FANCC: variants seen among roughly 807,000 people sequenced by gnomAD.
The protein encoded by FANCC is FA complementation group C, also known as Fanconi anemia group C protein.
Under a neutral mutation model 71.3 loss-of-function variants are expected in FANCC, and 55 were observed. The ratio of observed to expected loss-of-function variants is 0.77; its 90% CI spans 0.62 to 0.97. The LOEUF is 0.97. Among genes scored for constraint, FANCC ranks in the 50% least tolerant of loss-of-function variants. The pLI is 0.00. For synonymous variants in FANCC, 275 were observed against 244.9 expected, an observed-to-expected ratio of 1.12 and a Z score of -1.15; for missense variants, 678 against 670.9, an observed-to-expected ratio of 1.01 and a Z score of -0.12.
At chr9:95,268,053 G>C (rs920748111) in intron 1 of FANCC, among the ~76,000 whole-genome samples, 2 of 152,220 alleles carry the variant, frequency 1.3e-5, no homozygotes, top group Non-Finnish European at 2.9e-5. Context: ...GTGACTGAAT[G>C]GGTCAGATCA....
intron 1 of FANCC, among the ~76,000 whole-genome samples, chr9:95,313,676 C>T (rs1835554938): frequency 6.6e-6 from 1 of 152,094 alleles, no homozygotes; most frequent in Admixed American, 6.5e-5. Flanking sequence ...CAAAATATTA[C>T]TAATATTACC....
chr9:95,230,640 T>C (rs2135989952), intron 4 of FANCC, among the ~76,000 whole-genome samples: 1 of 152,244 alleles, frequency 6.6e-6, no homozygotes, highest in South Asian at 2.1e-4. Flanking sequence ...CCGCAGACCT[T>C]CGCAGTGAGT....
At chr9:95,199,252 A>T (rs1827653758) in intron 4 of FANCC, among the ~76,000 whole-genome samples, 1 of 151,788 alleles carries the variant, frequency 6.6e-6, no homozygotes, top group South Asian at 2.1e-4. Flanking sequence ...CACCCCTAGT[A>T]CTTAAAATCC....
intron 7 of FANCC, among the ~76,000 whole-genome samples, chr9:95,137,005 G>A (rs570260879): frequency 6.6e-6 from 1 of 152,074 alleles, no homozygotes; most frequent in Admixed American, 6.5e-5. Flanking sequence ...CTTCCCAGTG[G>A]GTGCTTTTCA....
intron 4 of FANCC, among the ~76,000 whole-genome samples, chr9:95,181,233 T>G (rs1166314592): frequency 6.6e-6 from 1 of 151,856 alleles, no homozygotes. Flanking sequence ...TTTCCATAAT[T>G]CTGTAATATA....
chr9:95,288,497 T>A (rs1246982328), intron 1 of FANCC, among the ~76,000 whole-genome samples: 1 of 152,230 alleles, frequency 6.6e-6, no homozygotes, highest in Non-Finnish European at 1.5e-5. Flanking sequence ...AGCCATACTT[T>A]AATACAAGTG....
intron 7 of FANCC, among the ~76,000 whole-genome samples, chr9:95,137,884 T>C (rs1475287886): frequency 6.6e-6 from 1 of 152,206 alleles, no homozygotes; most frequent in South Asian, 2.1e-4. Flanking sequence ...AGGCCCTGGA[T>C]GGCAGCACAT....
At chr9:95,255,059 G>A (rs930622507) in intron 1 of FANCC, among the ~76,000 whole-genome samples, 2 of 152,314 alleles carry the variant, frequency 1.3e-5, no homozygotes, top group Admixed American at 6.5e-5. Flanking sequence ...GCCCCAGTCA[G>A]TAGCTTATAG....
At chr9:95,316,014 C>CA (rs1564852652) in intron 1 of FANCC, among the ~76,000 whole-genome samples, 2 of 152,148 alleles carry the variant, frequency 1.3e-5, no homozygotes, top group Non-Finnish European at 2.9e-5. Context: ...GAGGACAAAA[C>CA]AAAAAATACC....
chr9:95,216,394 C>T (rs1819195244), intron 4 of FANCC, among the ~76,000 whole-genome samples: 1 of 152,132 alleles, frequency 6.6e-6, no homozygotes, highest in South Asian at 2.1e-4. Flanking sequence ...TAATTGGAGG[C>T]TTCAACATCA....
intron 4 of FANCC, among the ~76,000 whole-genome samples, chr9:95,235,525 T>C (rs986842276): frequency 1.3e-4 from 20 of 152,194 alleles, no homozygotes; most frequent in African/African-American, 4.8e-4. Context: ...CTTCATGACC[T>C]TGGACTGCAG....
chr9:95,174,198 T>TG (rs1825867451), intron 4 of FANCC, among the ~76,000 whole-genome samples: 1 of 152,088 alleles, frequency 6.6e-6, no homozygotes, highest in Non-Finnish European at 1.5e-5. Context: ...GCTTCCAAGG[T>TG]GATGCCCTGT....
chr9:95,254,423 G>A (rs115871574), intron 1 of FANCC, among the ~76,000 whole-genome samples: 3,258 of 152,222 alleles, frequency 0.021, 117 homozygotes, highest in African/African-American at 0.074. Context: ...AGCAGCCCAC[G>A]GAGGGTGAGC....
At chr9:95,120,800 T>C (rs1292872411) in intron 10 of FANCC, among the ~76,000 whole-genome samples, 2 of 152,260 alleles carry the variant, frequency 1.3e-5, no homozygotes, top group East Asian at 3.8e-4. Context: ...ATTTAATTGC[T>C]GAAATTAATG....
chr9:95,174,424 G>C (rs1352817547), intron 4 of FANCC, among the ~76,000 whole-genome samples: 1 of 151,946 alleles, frequency 6.6e-6, no homozygotes, highest in African/African-American at 2.4e-5. Context: ...GAATTTTAGG[G>C]GATATATTTA....
At chr9:95,286,274 C>T in intron 1 of FANCC, among the ~76,000 whole-genome samples, 1 of 152,162 alleles carries the variant, frequency 6.6e-6, no homozygotes, top group East Asian at 1.9e-4. Context: ...GTGCAGTGAT[C>T]TTTGTGGTTA....
intron 8 of FANCC, among the ~76,000 whole-genome samples, chr9:95,129,141 A>C (rs1826473617): frequency 6.6e-6 from 1 of 151,750 alleles, no homozygotes; most frequent in Non-Finnish European, 1.5e-5. Context: ...GACCTCACTG[A>C]AAAAAAAGAA....
In FANCC at chr9:95,111,432, C is replaced by G. The variant is rs748664348; in HGVS notation, c.1329+31G>C. 14 of 1,605,352 alleles carry G rather than the reference C, an allele frequency of 8.7e-6. 1 individual carries two copies. The South Asian group carries it at 1.5e-4, about 18-fold the overall frequency. On this transcript the variant is annotated intron_variant, in intron 13 of 14. Transcript: ENST00000289081. ...TCCTCTCAGCCCCCCAGAGCCCACC[C>G]CAAACACATGCAGTGGGGCCTGCTA...
At chr9:95,304,410 A>G (rs754984191) in intron 1 of FANCC, among the ~76,000 whole-genome samples, 1 of 152,048 alleles carries the variant, frequency 6.6e-6, no homozygotes, top group Non-Finnish European at 1.5e-5. Context: ...TAAAAACACC[A>G]AAAGAATTCA....
Sources: allele counts gnomAD v4.1 joint callset (sites outside exome capture counted in the v4.1 genomes callset), GRCh38; gene constraint gnomAD v4.1.1; transcripts MANE v1.5; gene names NCBI Gene and HGNC (gene_info 2026-07-23, HGNC 2026-07-21).